UTRN: variants seen among roughly 807,000 people sequenced by gnomAD.
UTRN encodes the protein dystrophin-related protein 1.
In UTRN, 283 loss-of-function variants were observed where a neutral mutation model predicts 463.9. The observed-to-expected ratio is 0.61, with a 90% CI of 0.55 to 0.67. UTRN has a LOEUF of 0.67. UTRN is among the 30% of genes least tolerant of loss of function. The pLI is 0.00. For synonymous variants in UTRN, 1,442 were observed against 1,431.5 expected (o/e 1.01, Z -0.17); for missense variants, 3,922 against 4,084.3 (o/e 0.96, Z 1.08).
At chr6:144,310,281 A>C (rs1309372203) in intron 2 of UTRN, among the ~76,000 whole-genome samples, 1 of 151,782 alleles carries the variant, frequency 6.6e-6, no homozygotes, top group Non-Finnish European at 1.5e-5. Context: ...TCATGCCTGT[A>C]ATCCCAGCAC....
At chr6:144,630,303 T>C (rs1336017508) in intron 51 of UTRN, among the ~76,000 whole-genome samples, 2 of 152,234 alleles carry the variant, frequency 1.3e-5, no homozygotes, top group Admixed American at 6.5e-5. Context: ...CATGCTTTGC[T>C]GAGGGCCTGT....
At chr6:144,325,672 G>A (rs756922017) in intron 2 of UTRN, among the ~76,000 whole-genome samples, 12 of 152,190 alleles carry the variant, frequency 7.9e-5, no homozygotes, top group Non-Finnish European at 1.3e-4. Flanking sequence ...CAGTTGGTAG[G>A]TGACACCCAA....
chr6:144,747,436 T>G (rs185819934), intron 54 of UTRN, among the ~76,000 whole-genome samples: 1 of 152,322 alleles, frequency 6.6e-6, no homozygotes, highest in African/African-American at 2.4e-5. Flanking sequence ...CCTCTGCCCT[T>G]GCTTTACCAG....
intron 51 of UTRN, among the ~76,000 whole-genome samples, chr6:144,632,722 A>G (rs7772085): frequency 6.8e-6 from 1 of 146,104 alleles, no homozygotes; most frequent in Admixed American, 6.8e-5. Flanking sequence ...GTAAACTTTT[A>G]CTTTTTTTTT....
chr6:144,737,722 A>G (rs559029382), intron 54 of UTRN, among the ~76,000 whole-genome samples: 73 of 152,226 alleles, frequency 4.8e-4, no homozygotes, highest in Non-Finnish European at 8.5e-4. Context: ...CAAGTTCACA[A>G]CTTTGTCAGT....
intron 1 of UTRN, among the ~76,000 whole-genome samples, chr6:144,287,390 T>C (rs900725185): frequency 1.3e-5 from 2 of 152,160 alleles, no homozygotes; most frequent in Admixed American, 6.5e-5. Context: ...TTCTTGGCAC[T>C]CACCGTTTTC....
chr6:144,313,180 T>A (rs2114563197), intron 2 of UTRN, among the ~76,000 whole-genome samples: 1 of 152,074 alleles, frequency 6.6e-6, no homozygotes, highest in South Asian at 2.1e-4. Context: ...AAGTAAAAAA[T>A]AAGCAATTTT....
intron 7 of UTRN, among the ~76,000 whole-genome samples, chr6:144,427,702 A>G (rs948394617): frequency 6.6e-6 from 1 of 152,092 alleles, no homozygotes; most frequent in Non-Finnish European, 1.5e-5. Context: ...CTAGGTTTTT[A>G]GTTGGTTAAG....
At chr6:144,359,028 C>T (rs976473590) in intron 2 of UTRN, among the ~76,000 whole-genome samples, 2 of 151,762 alleles carry the variant, frequency 1.3e-5, no homozygotes, top group Non-Finnish European at 2.9e-5. Flanking sequence ...TAATGGTTTT[C>T]CTGTTTTTGT....
In UTRN at chr6:144,776,507, A is replaced by G. The variant is rs1239005448; in HGVS notation, c.8632+2143A>G. On this transcript the variant is annotated intron_variant, in intron 60 of 74. Coordinates refer to ENST00000367545, the MANE Select transcript of UTRN (RefSeq NM_007124.3). ...AAGATTGTGCAGGAGATAAAACACT[A>G]TAAAGAGACTTGATTCTCACACTGA... 2.0e-5 allele frequency among the ~76,000 whole-genome samples: 3 copies of G among 152,200 alleles called. No homozygotes were observed. The East Asian group carries it at 5.8e-4, about 29-fold the overall frequency.
At chr6:144,376,854 T>G (rs1780507008) in intron 2 of UTRN, among the ~76,000 whole-genome samples, 1 of 152,158 alleles carries the variant, frequency 6.6e-6, no homozygotes, top group African/African-American at 2.4e-5. Context: ...TGGTCTAACT[T>G]TATTACTTGG....
intron 2 of UTRN, among the ~76,000 whole-genome samples, chr6:144,360,818 T>C (rs1026627101): frequency 6.6e-6 from 1 of 152,216 alleles, no homozygotes; most frequent in African/African-American, 2.4e-5. Flanking sequence ...GACCTTTTTA[T>C]TATTGGCCAC....
intron 41 of UTRN, among the ~76,000 whole-genome samples, chr6:144,526,614 T>G (rs2128598947): frequency 6.6e-6 from 1 of 152,246 alleles, no homozygotes; most frequent in African/African-American, 2.4e-5. Flanking sequence ...AGTTACTTGG[T>G]TGGTGAATTT....
Position 144,618,117 on chromosome 6 carries a change from T to C in UTRN, c.7479+40829T>C, listed in dbSNP as rs75054095. Among the ~76,000 whole-genome samples the C allele has an allele frequency of 2.4e-3, 373 of 152,262 alleles. 12 individuals carry two copies. The East Asian group carries it at 0.057, about 23-fold the overall frequency. On this transcript the variant is annotated intron_variant, in intron 51 of 74. Coordinates refer to ENST00000367545, the MANE Select transcript of UTRN (RefSeq NM_007124.3). ...ATTCAGATGGATCTTTTTTGCAAAC[T>C]AAATTAAAAGGTACAGAGACCATTC...
intron 51 of UTRN, among the ~76,000 whole-genome samples, chr6:144,652,759 CA>C (rs1443331936): frequency 6.6e-6 from 1 of 152,120 alleles, no homozygotes; most frequent in Admixed American, 6.5e-5. Flanking sequence ...CTTATGACAA[CA>C]AAAAGGCTTT....
intron 54 of UTRN, among the ~76,000 whole-genome samples, chr6:144,744,492 A>G (rs1790479331): frequency 6.7e-6 from 1 of 149,552 alleles, no homozygotes; most frequent in Admixed American, 6.7e-5. Context: ...ATAAATATAT[A>G]TATTTTCTTC....
chr6:144,331,161 T>A, intron 2 of UTRN: 1 of 460,894 alleles, frequency 2.2e-6, no homozygotes, highest in Non-Finnish European at 2.9e-6. Flanking sequence ...CTGGGTGACC[T>A]AGGAAGTTTT....
intron 34 of UTRN, among the ~76,000 whole-genome samples, chr6:144,501,917 T>G (rs1457845075): frequency 2.0e-5 from 3 of 152,166 alleles, no homozygotes; most frequent in East Asian, 3.9e-4. Context: ...TTTGACAAGT[T>G]TATAGGTCTT....
Position 144,514,002 on chromosome 6 carries a change from A to G in UTRN, c.5038A>G (p.Lys1680Glu), listed in dbSNP as rs1250056806. 1 of 1,613,926 alleles carries G rather than the reference A, an allele frequency of 6.2e-7. No individual in the cohort carries two copies. The highest frequency in any genetic ancestry group is 8.5e-7 in the Non-Finnish European group (1 of 1,179,946). The change falls in exon 36 of 75, where the codon AAG (lysine) becomes GAG (glutamate). Residue 1680 changes from lysine (K) to glutamate (E), a missense_variant. Transcript: ENST00000367545. ...TGAAGCTCTATTGGATGAAATTGAA[A>G]AGAAACCAACAAGTAAACAGGAAGA... ...QAEALLDEIE[K>E]KPTSKQEEIV...
Sources: gnomAD v4.1 joint callset for allele counts (sites outside exome capture counted in the v4.1 genomes callset) on GRCh38, gnomAD v4.1.1 for gene constraint, MANE v1.5 for transcripts, NCBI Gene and HGNC (gene_info 2026-07-23, HGNC 2026-07-21) for gene names.